DUSP19: variants seen among roughly 807,000 people sequenced by gnomAD.
The protein encoded by DUSP19 is dual specificity phosphatase 19, also known as dual specificity protein phosphatase 19.
DUSP19 carries 14 observed loss-of-function variants against 16.6 expected under a neutral mutation model. The ratio of observed to expected loss-of-function variants is 0.84; its 90% CI spans 0.56 to 1.32. The LOEUF (loss-of-function observed/expected upper bound fraction) is 1.32, where lower values mean the gene tolerates loss of function less well. Ranked by LOEUF, DUSP19 falls within the 40% of genes most tolerant of loss-of-function variation. The pLI is 0.00. For missense variants in DUSP19, 258 were observed against 255.9 expected, an observed-to-expected ratio of 1.01 and a Z score of -0.06; for synonymous variants, 81 against 90.5, an observed-to-expected ratio of 0.90 and a Z score of 0.59.
At chr2:183,079,217 A>T (rs776823011) in intron 1 of DUSP19, 58 bp downstream of exon 1, 1 of 1,495,772 alleles carries the variant, frequency 6.7e-7, no homozygotes, top group Non-Finnish European at 9.2e-7. Flanking sequence ...TTACGTTCTC[A>T]TTTTCCCCCT....
At position 183,098,527 on chromosome 2, in the gene DUSP19, G is replaced by A. The variant is rs1187957142; in HGVS notation, c.*2869G>A. Reference sequence around the variant, plus strand: ...TTTCTCACATACTGCAAACTTAAAAGATACATACACCAAATATAGGTCTGT... The same window carrying A: ...TTTCTCACATACTGCAAACTTAAAAAATACATACACCAAATATAGGTCTGT... On this transcript the variant is annotated 3_prime_UTR_variant, in exon 4 of 4. Transcript: ENST00000354221. 4 of 152,088 alleles carry A rather than the reference G, an allele frequency of 2.6e-5. No homozygotes were observed. The highest frequency in any genetic ancestry group is 9.7e-5 in the African/African-American group (4 of 41,408). The allele number at this position is 152,088 out of a possible 1,614,324, so 9.4% of individuals were successfully genotyped here. A position where few individuals can be genotyped will look rare whatever the true frequency, so the allele number is the denominator to read the frequency against.
intron 1 of DUSP19, 184 bp from the exon 2 acceptor site, chr2:183,083,324 A>G: frequency 2.1e-6 from 1 of 485,436 alleles, no homozygotes; most frequent in South Asian, 5.3e-5. Context: ...TTTTAGAAGT[A>G]GGATTTCAGA....
chr2:183,084,360 G>A (rs762834674), intron 2 of DUSP19, among the ~76,000 whole-genome samples: 1 of 151,834 alleles, frequency 6.6e-6, no homozygotes, highest in Non-Finnish European at 1.5e-5. Flanking sequence ...CCAGGAGTTC[G>A]AGGTTACAGT....
At chr2:183,089,175 G>A (rs1174676653) in intron 3 of DUSP19, among the ~76,000 whole-genome samples, 1 of 152,146 alleles carries the variant, frequency 6.6e-6, no homozygotes, top group Admixed American at 6.5e-5. Context: ...CAGTGAGAGT[G>A]GCAAGAAAGG....
Position 183,095,717 on chromosome 2 carries a change from T to C in DUSP19, c.*59T>C. 7.2e-7 allele frequency: 1 copy of C among 1,383,696 alleles called. No individual in the cohort carries two copies. Among genetic ancestry groups the C allele is most frequent in the African/African-American group, 1.5e-5 (1 of 68,884 alleles). The allele number at this position is 1,383,696 out of a possible 1,614,324, so 85.7% of individuals were successfully genotyped here. On this transcript the variant is annotated 3_prime_UTR_variant, in exon 4 of 4. Coordinates refer to ENST00000354221, the MANE Select transcript of DUSP19 (RefSeq NM_080876.4). ...TTCTGAATTGACTTCTATAGCCATC[T>C]TTTCCCTTTTTTGGAGAGTAGACTA...
intron 1 of DUSP19, 152 bp downstream of exon 1, chr2:183,079,311 A>G (rs1699562131): frequency 2.7e-6 from 2 of 750,366 alleles, no homozygotes. Flanking sequence ...TCCATTAGCC[A>G]GCTAGAGCCG....
rs573732607 is a variant in DUSP19, at chr2:183,088,952, C to A, written c.426+1760C>A. 1.6e-4 allele frequency among the ~76,000 whole-genome samples: 25 copies of A among 152,046 alleles called. 1 individual carries two copies. The highest frequency in any genetic ancestry group is 5.8e-4 in the African/African-American group (24 of 41,462). On this transcript the variant is annotated intron_variant, in intron 3 of 3. Coordinates refer to ENST00000354221, the MANE Select transcript of DUSP19 (RefSeq NM_080876.4). ...AACATTAGAAGAGATGTAAATGTTG[C>A]AAGTAAAAATTAGAGAGGTTAATCA...
rs74942329 is a variant in DUSP19 at position 183,097,698 on chromosome 2, G to A, written c.*2040G>A. The A allele has an allele frequency of 0.023, 3,511 of 152,206 alleles. 126 individuals carry two copies. The highest frequency in any genetic ancestry group is 0.078 in the African/African-American group (3,242 of 41,510). The allele number at this position is 152,206 out of a possible 1,614,324, so 9.4% of individuals were successfully genotyped here. On this transcript the variant is annotated 3_prime_UTR_variant, in exon 4 of 4. Transcript: ENST00000354221. ...GAACCCTCTTAAATATGAGACTGAT[G>A]TATAGGTTCTCTCTATGGTCAGTAT...
At chr2:183,079,737 C>T (rs542877451) in intron 1 of DUSP19, among the ~76,000 whole-genome samples, 1 of 152,152 alleles carries the variant, frequency 6.6e-6, no homozygotes, top group Non-Finnish European at 1.5e-5. Flanking sequence ...CCTATACAAG[C>T]ATAGTTCACA....
At position 183,097,016 on chromosome 2, in the gene DUSP19, C is replaced by A. The variant is rs902767947; in HGVS notation, c.*1358C>A. 6.8e-6 allele frequency: 1 copy of A among 147,110 alleles called. No homozygotes were observed. Among genetic ancestry groups the A allele is most frequent in the Non-Finnish European group, 1.5e-5 (1 of 66,530 alleles). 9.1% of individuals were successfully genotyped at this position (147,110 alleles called of 1,614,324 possible). The stretch of plus-strand genomic sequence containing the variant: ...TAAAATTAATTAATTAAGACAGTTT[C>A]TTTTTTCTTTTCTTTTTTTTTTTTT... On this transcript the variant is annotated 3_prime_UTR_variant, in exon 4 of 4. Coordinates refer to ENST00000354221, the MANE Select transcript of DUSP19 (RefSeq NM_080876.4).
chr2:183,099,467 A>T lies in DUSP19; in HGVS notation c.*3809A>T, dbSNP rs1018583814. 6.6e-6 allele frequency: 1 copy of T among 152,184 alleles called. No homozygotes were observed. The highest frequency in any genetic ancestry group is 1.5e-5 in the Non-Finnish European group (1 of 68,038). 9.4% of individuals were successfully genotyped at this position (152,184 alleles called of 1,614,324 possible). ...CATAAAATGACATTATAATCAACAA[A>T]CTTATGGTTTGTTTCAATTGATGCA... On this transcript the variant is annotated 3_prime_UTR_variant, in exon 4 of 4. Coordinates refer to ENST00000354221, the MANE Select transcript of DUSP19 (RefSeq NM_080876.4).
chr2:183,087,369 A>G (rs1294752126), intron 3 of DUSP19, among the ~76,000 whole-genome samples, 177 bp downstream of exon 3: 1 of 152,184 alleles, frequency 6.6e-6, no homozygotes, highest in African/African-American at 2.4e-5. Flanking sequence ...TTTCAATGAG[A>G]TGTTTAGTTT....
At chr2:183,094,820 G>T (rs1699776738) in intron 3 of DUSP19, among the ~76,000 whole-genome samples, 1 of 152,162 alleles carries the variant, frequency 6.6e-6, no homozygotes. Flanking sequence ...TATTTAAACA[G>T]ATTTGCAAGC....
Position 183,097,850 on chromosome 2 carries a change from T to C in DUSP19, c.*2192T>C, listed in dbSNP as rs1302254898. 4 of 152,198 alleles carry C rather than the reference T, an allele frequency of 2.6e-5. No individual in the cohort carries two copies. In the East Asian group the frequency reaches 7.7e-4, roughly 29 times the overall value. 9.4% of individuals were successfully genotyped at this position (152,198 alleles called of 1,614,324 possible). A position where few individuals can be genotyped will look rare whatever the true frequency, so the allele number is the denominator to read the frequency against. On this transcript the variant is annotated 3_prime_UTR_variant, in exon 4 of 4. Coordinates refer to ENST00000354221, the MANE Select transcript of DUSP19 (RefSeq NM_080876.4). ...CTTGATAGAATTTGTTCATAATGGC[T>C]CATGTATTATTATTATTTTTGAGAT...
At chr2:183,080,622 T>A (rs930961288) in intron 1 of DUSP19, among the ~76,000 whole-genome samples, 1 of 152,220 alleles carries the variant, frequency 6.6e-6, no homozygotes, top group African/African-American at 2.4e-5. Context: ...TTTTCATATA[T>A]CATTCACCAA....
rs1699795859 is a variant in DUSP19 at position 183,095,917 on chromosome 2, T to C, written c.*259T>C. On this transcript the variant is annotated 3_prime_UTR_variant, in exon 4 of 4. Coordinates refer to ENST00000354221, the MANE Select transcript of DUSP19 (RefSeq NM_080876.4). ...GAAAATAACAAAGTGTTAGTAATCA[T>C]TGCTTTCTGTAGAAGAAAAAGGTTT... 1 of 255,714 alleles carries C rather than the reference T, an allele frequency of 3.9e-6. No homozygotes were observed. The highest frequency in any genetic ancestry group is 7.4e-6 in the Non-Finnish European group (1 of 135,242). 15.8% of individuals were successfully genotyped at this position (255,714 alleles called of 1,614,324 possible). A position where few individuals can be genotyped will look rare whatever the true frequency, so the allele number is the denominator to read the frequency against.
chr2:183,095,411 GTTTGTTTTTTTT>G lies in DUSP19; in HGVS notation c.427-14_427-3del. 1 of 1,543,664 alleles carries G rather than the reference GTTTGTTTTTTTT, an allele frequency of 6.5e-7. No homozygotes were observed. On this transcript the variant is annotated splice_polypyrimidine_tract_variant and splice_region_variant and intron_variant, in intron 3 of 3. Coordinates refer to ENST00000354221, the MANE Select transcript of DUSP19 (RefSeq NM_080876.4). ...TCTCAAATGAATAATGAAGATTTTT[GTTTGTTTTTTTT>G]TTTGTAGGATGGAGTGGTTCTTGTT...
Position 183,095,641 on chromosome 2 carries a change from CAGG to C in DUSP19, c.640_642del (p.Glu214del), listed in dbSNP as rs754152797. The C allele has an allele frequency of 9.3e-6, 15 of 1,613,188 alleles. No homozygotes were observed. In the South Asian group the frequency reaches 1.1e-4, roughly 12 times the overall value. On this transcript the variant is annotated inframe_deletion, in exon 4 of 4. Transcript: ENST00000354221. Reference sequence around the variant, plus strand: ...AGAAAGCAATAAGTGTGACAGAATACAGGAGAACAGTTCATGAGTTGCATTGTA... The same window carrying C: ...AGAAAGCAATAAGTGTGACAGAATACAGAACAGTTCATGAGTTGCATTGTA...
chr2:183,091,988 G>T (rs1699737453), intron 3 of DUSP19, among the ~76,000 whole-genome samples: 1 of 152,118 alleles, frequency 6.6e-6, no homozygotes, highest in Admixed American at 6.5e-5. Flanking sequence ...TGAGTGGACT[G>T]TTCTGACCTG....
Sources: gnomAD v4.1 joint callset for allele counts (sites outside exome capture counted in the v4.1 genomes callset) on GRCh38, gnomAD v4.1.1 for gene constraint, MANE v1.5 for transcripts, NCBI Gene and HGNC (gene_info 2026-07-23, HGNC 2026-07-21) for gene names.